The following MAPK4 variants were observed in gnomAD, a reference collection of about 807,000 sequenced individuals.
The protein encoded by MAPK4 is mitogen-activated protein kinase 4.
Under a neutral mutation model 47.7 loss-of-function variants are expected in MAPK4, and 22 were observed. The observed-to-expected ratio is 0.46, with a 90% confidence interval of 0.33 to 0.66. The LOEUF (loss-of-function observed/expected upper bound fraction) is 0.66, where lower values mean the gene tolerates loss of function less well. MAPK4 is among the 30% of genes least tolerant of loss of function. MAPK4 has a pLI of 0.02. For missense variants in MAPK4, 736 were observed against 831.7 expected, an observed-to-expected ratio of 0.88 and a Z score of 1.42; for synonymous variants, 390 against 365.7, an observed-to-expected ratio of 1.07 and a Z score of -0.76.
At chr18:50,596,792 A>G (rs1222282710) in intron 1 of MAPK4, among the ~76,000 whole-genome samples, 1 of 152,242 alleles carries the variant, frequency 6.6e-6, no homozygotes, top group Non-Finnish European at 1.5e-5. Context: ...CAAGAGTGTG[A>G]TGAGGCTGTT....
chr18:50,720,520 T>C (rs1910878745), intron 3 of MAPK4, among the ~76,000 whole-genome samples: 1 of 152,068 alleles, frequency 6.6e-6, no homozygotes, highest in Non-Finnish European at 1.5e-5. Context: ...TATGACACCA[T>C]TGATCTCGGG....
intron 1 of MAPK4, among the ~76,000 whole-genome samples, chr18:50,573,719 A>G (rs2042270317): frequency 6.6e-6 from 1 of 152,176 alleles, no homozygotes; most frequent in Non-Finnish European, 1.5e-5. Context: ...CTCTAGACTA[A>G]TTTCTCATTA....
intron 1 of MAPK4, among the ~76,000 whole-genome samples, chr18:50,594,228 C>A (rs2042462950): frequency 6.6e-6 from 1 of 152,192 alleles, no homozygotes; most frequent in South Asian, 2.1e-4. Flanking sequence ...ATGGTGCCCA[C>A]CCACACTGAG....
intron 1 of MAPK4, among the ~76,000 whole-genome samples, chr18:50,602,167 G>A (rs945613953): frequency 1.1e-4 from 16 of 152,126 alleles, no homozygotes; most frequent in East Asian, 3.8e-4. Context: ...GAGAAATGCC[G>A]CAGATCTTCC....
chr18:50,574,812 T>G (rs1024148243), intron 1 of MAPK4, among the ~76,000 whole-genome samples: 11 of 152,240 alleles, frequency 7.2e-5, no homozygotes, highest in African/African-American at 2.7e-4. Flanking sequence ...ATCCTTGAGA[T>G]GATAAGTATC....
intron 1 of MAPK4, among the ~76,000 whole-genome samples, chr18:50,625,738 A>G (rs1012401528): frequency 1.3e-5 from 2 of 152,120 alleles, no homozygotes; most frequent in Admixed American, 1.3e-4. Context: ...GGAGATCCTC[A>G]TAGAAAGAAG....
chr18:50,699,145 G>A (rs1267040019), intron 2 of MAPK4, among the ~76,000 whole-genome samples: 2 of 151,926 alleles, frequency 1.3e-5, no homozygotes, highest in African/African-American at 4.8e-5. Flanking sequence ...AACAAAGGAG[G>A]AAAAAAAGAC....
In MAPK4 at chr18:50,706,516, G is replaced by A. The variant is rs186564627; in HGVS notation, c.547-8563G>A. ...CAGCCTGTAGCAGGTCTGAGAGCCC[G>A]TGCTCTAGAGTGCCACCAGATTTCC... is the stretch of plus-strand genomic sequence containing the variant. On this transcript the variant is annotated intron_variant, in intron 2 of 5. Coordinates refer to ENST00000400384, the MANE Select transcript of MAPK4 (RefSeq NM_002747.4). Among the ~76,000 whole-genome samples the A allele has an allele frequency of 6.0e-5, 9 of 151,100 alleles. No homozygotes were observed. In the East Asian group the frequency reaches 9.7e-4, roughly 16 times the overall value.
In MAPK4 at chr18:50,729,296, C is replaced by A; in HGVS notation, c.1206C>A (p.His402Gln). The A allele has an allele frequency of 6.2e-7, 1 of 1,608,274 alleles. No homozygotes were observed. Residue 402 changes from histidine (H) to glutamine (Q), a missense_variant, in exon 6 of 6, where the codon CAC becomes CAA. His to Gln is a conservative substitution (Grantham distance 24). Coordinates refer to ENST00000400384, the MANE Select transcript of MAPK4 (RefSeq NM_002747.4). Reference protein sequence around the residue: ...DVQVDPRKDSHSSSERFLEQS... With the variant: ...DVQVDPRKDSQSSSERFLEQS... ...AGGTGGACCCGCGCAAGGACTCGCACAGCAGCTCCGAGCGCTTCCTAGAGC... is the reference window on the plus strand; with the variant it reads ...AGGTGGACCCGCGCAAGGACTCGCAAAGCAGCTCCGAGCGCTTCCTAGAGC...
chr18:50,703,894 C>A (rs1909914273), intron 2 of MAPK4, among the ~76,000 whole-genome samples: 1 of 152,188 alleles, frequency 6.6e-6, no homozygotes, highest in Non-Finnish European at 1.5e-5. Flanking sequence ...ACTATCTTAA[C>A]TAAAAACAGC....
At chr18:50,651,830 C>T (rs910423403) in intron 1 of MAPK4, among the ~76,000 whole-genome samples, 1 of 152,204 alleles carries the variant, frequency 6.6e-6, no homozygotes, top group African/African-American at 2.4e-5. Context: ...GTCTCCATTC[C>T]CAACTCTCAC....
intron 2 of MAPK4, among the ~76,000 whole-genome samples, chr18:50,703,674 A>G (rs1349876752): frequency 6.6e-6 from 1 of 152,186 alleles, no homozygotes; most frequent in Non-Finnish European, 1.5e-5. Flanking sequence ...ACTGGTCCCC[A>G]TGATGCACTT....
At chr18:50,713,519 G>A (rs533684037) in intron 2 of MAPK4, among the ~76,000 whole-genome samples, 1 of 152,296 alleles carries the variant, frequency 6.6e-6, no homozygotes, top group African/African-American at 2.4e-5. Flanking sequence ...CAGTTCAGCA[G>A]TGTTTACTGA....
intron 1 of MAPK4, among the ~76,000 whole-genome samples, chr18:50,578,718 G>A (rs537949468): frequency 5.9e-5 from 9 of 152,282 alleles, no homozygotes; most frequent in African/African-American, 1.2e-4. Flanking sequence ...AGGAAGAGCC[G>A]TTACTACATG....
chr18:50,562,211 G>A (rs2042159457), intron 1 of MAPK4, among the ~76,000 whole-genome samples: 1 of 152,136 alleles, frequency 6.6e-6, no homozygotes, highest in African/African-American at 2.4e-5. Context: ...TTAGTGATTT[G>A]TATTAATCCA....
intron 1 of MAPK4, among the ~76,000 whole-genome samples, chr18:50,602,807 G>A (rs1293623883): frequency 1.3e-5 from 2 of 152,112 alleles, no homozygotes; most frequent in African/African-American, 2.4e-5. Context: ...CATTCCCTGG[G>A]TTCAGTACTG....
intron 1 of MAPK4, among the ~76,000 whole-genome samples, chr18:50,642,131 TA>T (rs568207240): frequency 2.6e-5 from 4 of 152,368 alleles, no homozygotes; most frequent in Non-Finnish European, 2.9e-5. Context: ...ATAACCACTT[TA>T]AAAGAAGTCT....
chr18:50,636,125 C>A (rs752434851), intron 1 of MAPK4, among the ~76,000 whole-genome samples: 1 of 152,216 alleles, frequency 6.6e-6, no homozygotes, highest in African/African-American at 2.4e-5. Flanking sequence ...CCTCTCCCTC[C>A]TTGCCTAGTT....
chr18:50,666,152 A>G (rs1030044943), intron 2 of MAPK4, among the ~76,000 whole-genome samples: 5 of 152,244 alleles, frequency 3.3e-5, no homozygotes, highest in Admixed American at 2.6e-4. Flanking sequence ...AGAGCTTAAG[A>G]CAGCACATAG....
Sources: gnomAD v4.1 joint callset for allele counts (sites outside exome capture counted in the v4.1 genomes callset) on GRCh38, gnomAD v4.1.1 for gene constraint, MANE v1.5 for transcripts, NCBI Gene and HGNC (gene_info 2026-07-23, HGNC 2026-07-21) for gene names.